Variants in POLR1A observed in about 807,000 individuals in gnomAD.
POLR1A encodes the protein RNA polymerase I subunit A.
POLR1A carries 84 observed loss-of-function variants against 205.3 expected under a neutral mutation model. The ratio of observed to expected loss-of-function variants is 0.41; its 90% CI spans 0.34 to 0.49. POLR1A has a LOEUF of 0.49. Ranked by LOEUF, POLR1A falls within the 20% of genes least tolerant of loss-of-function variation. The pLI is 0.22. For missense variants in POLR1A, 1,645 were observed against 2,204.5 expected (o/e 0.75, Z 5.08); for synonymous variants, 799 against 863.7 (o/e 0.93, Z 1.31).
intron 22 of POLR1A, among the ~76,000 whole-genome samples, chr2:86,043,642 G>A (rs1394239310): frequency 6.6e-6 from 1 of 152,186 alleles, no homozygotes; most frequent in African/African-American, 2.4e-5. Context: ...CAAATGGGGT[G>A]ACTGCCCAGT....
At chr2:86,040,312 C>T (rs1672579034) in intron 25 of POLR1A, 80 bp downstream of exon 25, 1 of 1,129,808 alleles carries the variant, frequency 8.9e-7, no homozygotes, top group Non-Finnish European at 1.2e-6. Flanking sequence ...CACACACTCA[C>T]TCACCCCCTC....
At chr2:86,056,726 A>C (rs920837012) in intron 14 of POLR1A, among the ~76,000 whole-genome samples, 1 of 152,180 alleles carries the variant, frequency 6.6e-6, no homozygotes, top group Non-Finnish European at 1.5e-5. Flanking sequence ...TAGGGCCCTT[A>C]AGAATTATGC....
In POLR1A at chr2:86,058,103, A is replaced by C. The variant is rs180914255; in HGVS notation, c.2059-3814T>G. On this transcript the variant is annotated intron_variant, in intron 14 of 33. Coordinates refer to ENST00000263857, the MANE Select transcript of POLR1A (RefSeq NM_015425.6). The stretch of plus-strand genomic sequence containing the variant: ...TACTCTACTCTCTCTACTCTACTCT[A>C]CTCTATTCATTTATTGAGATGGAGT... 2.0e-5 allele frequency among the ~76,000 whole-genome samples: 3 copies of C among 151,288 alleles called. No individual in the cohort carries two copies. The East Asian group carries it at 5.8e-4, about 29-fold the overall frequency.
chr2:86,092,458 G>A (rs946643989), intron 3 of POLR1A, among the ~76,000 whole-genome samples: 2 of 152,240 alleles, frequency 1.3e-5, no homozygotes, highest in Non-Finnish European at 2.9e-5. Flanking sequence ...GACACCTGCT[G>A]AAGAGAAATG....
rs1558777048 is a variant in POLR1A at position 86,071,227 on chromosome 2, CAT to C, written c.1612-957_1612-956del. Among the ~76,000 whole-genome samples, 1,037 of 147,346 alleles carry C rather than the reference CAT, an allele frequency of 7.0e-3. 19 individuals carry two copies. Among genetic ancestry groups the C allele is most frequent in the African/African-American group, 0.025 (960 of 38,826 alleles). ...CCCAGCTTCTCTCTCTCTCCGTGTG[CAT>C]GTGTGTGTGTGTGTGTGTGTGTGTG... is the stretch of plus-strand genomic sequence containing the variant. On this transcript the variant is annotated intron_variant, in intron 12 of 33. Coordinates refer to ENST00000263857, the MANE Select transcript of POLR1A (RefSeq NM_015425.6).
At chr2:86,082,980 A>T in intron 7 of POLR1A, 102 bp downstream of exon 7, 2 of 857,470 alleles carry the variant, frequency 2.3e-6, no homozygotes, top group Non-Finnish European at 3.8e-6. Context: ...GGAGGAAGCT[A>T]CAATCACTAC....
Position 86,061,349 on chromosome 2 carries a change from A to G in POLR1A, c.2058+3925T>C, listed in dbSNP as rs551757095. 9.2e-5 allele frequency among the ~76,000 whole-genome samples: 14 copies of G among 152,358 alleles called. No homozygotes were observed. In the South Asian group the frequency reaches 2.7e-3, roughly 29 times the overall value. ...GTAATCCCAGCTACTCGAGAGGCTG[A>G]GGCAAGAGAATGACTTGAACCTGGG... On this transcript the variant is annotated intron_variant, in intron 14 of 33. Transcript: ENST00000263857.
At position 86,088,776 on chromosome 2, in the gene POLR1A, G is replaced by A; in HGVS notation, c.626+9C>T. 2 of 1,611,320 alleles carry A rather than the reference G, an allele frequency of 1.2e-6. No individual in the cohort carries two copies. The highest frequency in any genetic ancestry group is 1.7e-6 in the Non-Finnish European group (2 of 1,177,440). On this transcript the variant is annotated intron_variant, in intron 5 of 33. Transcript: ENST00000263857. Reference sequence around the variant, plus strand: ...ACGTCTCACCTGGCGCAAGGGCCCTGATACTTACTTGCAGTGGGGACAGCG... The same window carrying A: ...ACGTCTCACCTGGCGCAAGGGCCCTAATACTTACTTGCAGTGGGGACAGCG...
intron 13 of POLR1A, among the ~76,000 whole-genome samples, chr2:86,069,558 A>C (rs1023402292): frequency 1.3e-5 from 2 of 152,218 alleles, no homozygotes; most frequent in Non-Finnish European, 2.9e-5. Context: ...GGGACAGAAG[A>C]TGCCTTCACG....
intron 14 of POLR1A, among the ~76,000 whole-genome samples, chr2:86,059,676 G>A (rs549482987): frequency 1.3e-5 from 2 of 152,018 alleles, no homozygotes; most frequent in Non-Finnish European, 2.9e-5. Flanking sequence ...AGTGATTTTC[G>A]TGCCTCAGCC....
intron 13 of POLR1A, among the ~76,000 whole-genome samples, chr2:86,069,087 C>T (rs982716785): frequency 6.6e-6 from 1 of 152,202 alleles, no homozygotes; most frequent in Non-Finnish European, 1.5e-5. Flanking sequence ...TGAATAGCAC[C>T]TACCTCCAAG....
In POLR1A at chr2:86,043,044, A is replaced by T. The variant is rs543368170; in HGVS notation, c.3287T>A (p.Ile1096Asn). ...TTTCAGGGCTTTCACAGCTTCCTGA[A>T]TTTTCTGGGAATAACTCAAGAAGGC... is the stretch of plus-strand genomic sequence containing the variant. ...RGAFLSYSQK[I>N]QEAVKALKLE... The change falls in exon 23 of 34, where the codon ATT becomes AAT. Residue 1096 changes from isoleucine to asparagine, a missense_variant. Physicochemically the swap from Ile to Asn is moderately radical, Grantham distance 149 (BLOSUM62 -3). Coordinates refer to ENST00000263857, the MANE Select transcript of POLR1A (RefSeq NM_015425.6). 1 of 1,613,976 alleles carries T rather than the reference A, an allele frequency of 6.2e-7. No individual in the cohort carries two copies. Among genetic ancestry groups the T allele is most frequent in the African/African-American group, 1.3e-5 (1 of 74,966 alleles).
In POLR1A at chr2:86,086,551, G is replaced by A. The variant is rs553979721; in HGVS notation, c.730+2015C>T. On this transcript the variant is annotated intron_variant, in intron 6 of 33. Coordinates refer to ENST00000263857, the MANE Select transcript of POLR1A (RefSeq NM_015425.6). ...ATGGTCTGGTCTGTGTCCTGGCATTGTGCTCATCACAAACATGGTCCTTGG... is the reference window on the plus strand; with the variant it reads ...ATGGTCTGGTCTGTGTCCTGGCATTATGCTCATCACAAACATGGTCCTTGG... Among the ~76,000 whole-genome samples the A allele has an allele frequency of 2.6e-5, 4 of 152,350 alleles. No individual in the cohort carries two copies. In the East Asian group the frequency reaches 7.7e-4, roughly 29 times the overall value.
At chr2:86,088,935 C>T (rs1009634333) in intron 4 of POLR1A, 65 bp from the exon 5 acceptor site, 1 of 1,192,062 alleles carries the variant, frequency 8.4e-7, no homozygotes, top group African/African-American at 1.5e-5. Flanking sequence ...AATATATTTA[C>T]TTTATGGTTT....
intron 23 of POLR1A, among the ~76,000 whole-genome samples, chr2:86,042,355 A>C (rs904099128): frequency 3.9e-4 from 60 of 152,186 alleles, no homozygotes; most frequent in African/African-American, 1.4e-3. Flanking sequence ...TTACTGAGCA[A>C]ACTGGGCTTC....
chr2:86,044,743 T>C (rs1354244195), intron 21 of POLR1A, among the ~76,000 whole-genome samples: 2 of 152,238 alleles, frequency 1.3e-5, no homozygotes, highest in Non-Finnish European at 2.9e-5. Context: ...CTAAGGGGTA[T>C]TGGGAACCAC....
At chr2:86,097,831 T>C (rs1345932939) in intron 3 of POLR1A, among the ~76,000 whole-genome samples, 1 of 152,154 alleles carries the variant, frequency 6.6e-6, no homozygotes, top group Non-Finnish European at 1.5e-5. Context: ...TCTACACCAT[T>C]ATAGGATGAC....
chr2:86,098,801 G>A (rs772891110), intron 2 of POLR1A, 41 bp from the exon 3 acceptor site: 15 of 1,599,692 alleles, frequency 9.4e-6, no homozygotes, highest in African/African-American at 1.3e-5. Flanking sequence ...ATTAGAAAGA[G>A]ACACAGTAGC....
chr2:86,058,525 T>C (rs892762203), intron 14 of POLR1A, among the ~76,000 whole-genome samples: 1 of 147,794 alleles, frequency 6.8e-6, no homozygotes, highest in Non-Finnish European at 1.5e-5. Context: ...TGAATATGAA[T>C]TATATCTTAA....
Sources: gnomAD v4.1 joint callset for allele counts (sites outside exome capture counted in the v4.1 genomes callset) on GRCh38, gnomAD v4.1.1 for gene constraint, MANE v1.5 for transcripts, NCBI Gene and HGNC (gene_info 2026-07-23, HGNC 2026-07-21) for gene names.